The following PDE6C variants were observed in gnomAD, a reference collection of about 807,000 sequenced individuals.
PDE6C encodes the protein phosphodiesterase 6C.
In PDE6C, 75 loss-of-function variants were observed where a neutral mutation model predicts 113.1. The observed-to-expected ratio is 0.66, with a 90% CI of 0.55 to 0.80. The LOEUF (loss-of-function observed/expected upper bound fraction) is 0.80, where lower values mean the gene tolerates loss of function less well. PDE6C is among the 30% of genes least tolerant of loss of function. The pLI is 0.00. For synonymous variants in PDE6C, 375 were observed against 363.7 expected (o/e 1.03, Z -0.35); for missense variants, 912 against 1,038.6 (o/e 0.88, Z 1.67).
intron 15 of PDE6C, among the ~76,000 whole-genome samples, chr10:93,649,353 A>G (rs1405759479): frequency 6.6e-6 from 1 of 152,198 alleles, no homozygotes; most frequent in East Asian, 1.9e-4. Flanking sequence ...AAGTTACATA[A>G]GCCCACTATA....
chr10:93,640,946 A>G lies in PDE6C; in HGVS notation c.1764A>G (p.Thr588=), dbSNP rs1281086154. 1 of 1,611,160 alleles carries G rather than the reference A, an allele frequency of 6.2e-7. No individual in the cohort carries two copies. The highest frequency in any genetic ancestry group is 8.5e-7 in the Non-Finnish European group (1 of 1,177,318). The change falls in exon 14 of 22, where the codon ACA becomes ACG. Residue 588 remains threonine (T), a synonymous_variant. Coordinates refer to ENST00000371447, the MANE Select transcript of PDE6C (RefSeq NM_006204.4). ...CAGGAAGATTAAAGAAGTACTACACAGATCTCGAAGCCTTTGCCATGCTTG... is the reference window on the plus strand; with the variant it reads ...CAGGAAGATTAAAGAAGTACTACACGGATCTCGAAGCCTTTGCCATGCTTG... The part of the protein sequence containing the change: ...LMTGRLKKYY[T]DLEAFAMLAA...
chr10:93,649,304 A>C (rs1489684136), intron 15 of PDE6C, among the ~76,000 whole-genome samples: 1 of 152,212 alleles, frequency 6.6e-6, no homozygotes, highest in Non-Finnish European at 1.5e-5. Context: ...GGAATATTAC[A>C]TATTTATACA....
intron 1 of PDE6C, among the ~76,000 whole-genome samples, chr10:93,616,070 T>C (rs373154534): frequency 1.8e-4 from 28 of 152,364 alleles, no homozygotes; most frequent in African/African-American, 6.7e-4. Flanking sequence ...AATATCTGAT[T>C]AATTCTTCCT....
intron 9 of PDE6C, among the ~76,000 whole-genome samples, 174 bp downstream of exon 9, chr10:93,635,081 T>C (rs1276036983): frequency 1.3e-5 from 2 of 152,204 alleles, no homozygotes; most frequent in African/African-American, 4.8e-5. Flanking sequence ...TTCTATAAAC[T>C]GCAACATTTT....
intron 15 of PDE6C, among the ~76,000 whole-genome samples, chr10:93,649,060 C>T (rs2133871450): frequency 6.6e-6 from 1 of 152,216 alleles, no homozygotes; most frequent in Non-Finnish European, 1.5e-5. Flanking sequence ...AGCTCGAGAG[C>T]CACGATCTGA....
At chr10:93,655,975 CAG>C (rs2058636223) in intron 16 of PDE6C, 115 bp downstream of exon 16, 2 of 749,656 alleles carry the variant, frequency 2.7e-6, no homozygotes, top group African/African-American at 1.7e-5. Context: ...TACACACACA[CAG>C]ACACACACAC....
chr10:93,627,339 A>G (rs1038151105), intron 7 of PDE6C, among the ~76,000 whole-genome samples: 4 of 151,510 alleles, frequency 2.6e-5, no homozygotes, highest in Non-Finnish European at 4.4e-5. Context: ...TTGACAGTCA[A>G]ATGTAGGTTA....
At chr10:93,629,187 A>T in intron 7 of PDE6C, 71 bp from the exon 8 acceptor site, 1 of 1,263,962 alleles carries the variant, frequency 7.9e-7, no homozygotes, top group Middle Eastern at 1.9e-4. Flanking sequence ...GTTCTTTCTT[A>T]TTCTGCTTTG....
At chr10:93,628,937 G>A (rs906194955) in intron 7 of PDE6C, among the ~76,000 whole-genome samples, 14 of 152,162 alleles carry the variant, frequency 9.2e-5, no homozygotes, top group African/African-American at 3.1e-4. Flanking sequence ...CTGTAGCAGA[G>A]CTAGAATTTC....
At chr10:93,645,768 GT>G (rs3085187) in intron 14 of PDE6C, among the ~76,000 whole-genome samples, 191 bp from the exon 15 acceptor site, 72 of 149,734 alleles carry the variant, frequency 4.8e-4, no homozygotes, top group African/African-American at 1.2e-3. Flanking sequence ...ACAAATTAAG[GT>G]TTTTTTTTTC....
At chr10:93,647,107 T>C (rs1479745733) in intron 15 of PDE6C, among the ~76,000 whole-genome samples, 1 of 152,168 alleles carries the variant, frequency 6.6e-6, no homozygotes, top group Non-Finnish European at 1.5e-5. Context: ...TCAATTTTAT[T>C]GAAGGGATAT....
At chr10:93,628,038 T>C (rs2058482246) in intron 7 of PDE6C, among the ~76,000 whole-genome samples, 1 of 152,140 alleles carries the variant, frequency 6.6e-6, no homozygotes, top group Admixed American at 6.5e-5. Context: ...TGTGAGCAAG[T>C]TGTTAAACTG....
chr10:93,657,753 T>C (rs987336707), intron 16 of PDE6C, among the ~76,000 whole-genome samples: 1 of 142,162 alleles, frequency 7.0e-6, no homozygotes, highest in East Asian at 2.1e-4. Context: ...TATATATATA[T>C]GAGAGTTTCT....
chr10:93,662,481 A>AG, intron 19 of PDE6C, 79 bp from the exon 20 acceptor site: 1 of 592,372 alleles, frequency 1.7e-6, no homozygotes. Context: ...AAAAAAAAAA[A>AG]AAAGTTATCA....
chr10:93,632,567 A>G (rs1589697006), intron 8 of PDE6C, among the ~76,000 whole-genome samples: 1 of 152,226 alleles, frequency 6.6e-6, no homozygotes, highest in African/African-American at 2.4e-5. Context: ...TAGCAAATGA[A>G]TATTTCCTGA....
intron 14 of PDE6C, among the ~76,000 whole-genome samples, chr10:93,643,865 G>C (rs1242471631): frequency 2.0e-5 from 3 of 151,934 alleles, no homozygotes; most frequent in Non-Finnish European, 4.4e-5. Context: ...CTAATATAAA[G>C]TGTTTTTTAA....
intron 14 of PDE6C, among the ~76,000 whole-genome samples, chr10:93,641,836 A>G (rs370048381): frequency 2.0e-5 from 3 of 152,182 alleles, no homozygotes; most frequent in Non-Finnish European, 2.9e-5. Flanking sequence ...CATCGATGCC[A>G]TCTTTCTCTC....
chr10:93,659,128 C>A lies in PDE6C; in HGVS notation c.2169C>A (p.Asp723Glu). 1 of 1,611,230 alleles carries A rather than the reference C, an allele frequency of 6.2e-7. No homozygotes were observed. The highest frequency in any genetic ancestry group is 8.5e-7 in the Non-Finnish European group (1 of 1,179,276). The change falls in exon 18 of 22, where the codon GAC (aspartate) becomes GAA (glutamate). Residue 723 changes from aspartate to glutamate, a missense_variant. By Grantham distance (45) the Asp-to-Glu change is conservative (BLOSUM62 2). Transcript: ENST00000371447. ...IIMAMMMTAC[D>E]LSAITKPWEV... ...GGGCAATGATGATGACGGCATGTGA[C>A]TTGTCTGCTATTACCAAGCCCTGGG...
In PDE6C at chr10:93,661,997, A is replaced by C. The variant is rs1307976259; in HGVS notation, c.2209-62A>C. The C allele has an allele frequency of 3.1e-6, 3 of 976,608 alleles. No individual in the cohort carries two copies. In the South Asian group the frequency reaches 3.8e-5, roughly 12 times the overall value. 60.5% of individuals were successfully genotyped at this position (976,608 alleles called of 1,614,324 possible). A position where few individuals can be genotyped will look rare whatever the true frequency, so the allele number is the denominator to read the frequency against. On this transcript the variant is annotated intron_variant, in intron 18 of 21. Coordinates refer to ENST00000371447, the MANE Select transcript of PDE6C (RefSeq NM_006204.4). ...TCGATCCTTAAATGTCACTTGTACT[A>C]ATAAAATGCAAGTTCTCTATTCATA...
Sources: gnomAD v4.1 joint callset for allele counts (sites outside exome capture counted in the v4.1 genomes callset) on GRCh38, gnomAD v4.1.1 for gene constraint, MANE v1.5 for transcripts, NCBI Gene and HGNC (gene_info 2026-07-23, HGNC 2026-07-21) for gene names.